The following TNNI3K variants were observed in gnomAD, a reference collection of about 807,000 sequenced individuals.
The protein encoded by TNNI3K is serine/threonine-protein kinase TNNI3K.
In TNNI3K, 140 loss-of-function variants were observed where a neutral mutation model predicts 114.5. The ratio of observed to expected loss-of-function variants is 1.22; its 90% confidence interval spans 1.07 to 1.41. TNNI3K has a LOEUF of 1.41. TNNI3K is among the 40% of genes most tolerant of loss of function. TNNI3K has a pLI of 0.00. For missense variants in TNNI3K, 1,125 were observed against 1,007.6 expected, an observed-to-expected ratio of 1.12 and a Z score of -1.58; for synonymous variants, 347 against 347.5, an observed-to-expected ratio of 1.00 and a Z score of 0.02.
intron 23 of TNNI3K, among the ~76,000 whole-genome samples, chr1:74,528,116 A>T (rs967939171): frequency 1.4e-4 from 21 of 152,214 alleles, no homozygotes; most frequent in African/African-American, 5.1e-4. Flanking sequence ...AAGTAAGGCC[A>T]GAGCCCAAGA....
At chr1:74,425,826 G>A (rs1665611623) in intron 17 of TNNI3K, among the ~76,000 whole-genome samples, 1 of 152,004 alleles carries the variant, frequency 6.6e-6, no homozygotes, top group African/African-American at 2.4e-5. Context: ...GGGTATTCTG[G>A]GGACAGTCAC....
intron 23 of TNNI3K, among the ~76,000 whole-genome samples, chr1:74,514,372 C>A (rs1646316848): frequency 6.6e-6 from 1 of 152,138 alleles, no homozygotes; most frequent in East Asian, 1.9e-4. Context: ...TATACACTTG[C>A]ACAGAAGTTC....
chr1:74,417,950 A>G (rs1300524336), intron 17 of TNNI3K, among the ~76,000 whole-genome samples: 1 of 152,128 alleles, frequency 6.6e-6, no homozygotes, highest in Non-Finnish European at 1.5e-5. Flanking sequence ...ATGTGTATTG[A>G]TGAGACATCT....
At chr1:74,460,997 C>G (rs1381203309) in intron 20 of TNNI3K, among the ~76,000 whole-genome samples, 1 of 152,160 alleles carries the variant, frequency 6.6e-6, no homozygotes, top group Non-Finnish European at 1.5e-5. Flanking sequence ...TGACTAGTCC[C>G]TCCCCACCCA....
At chr1:74,402,575 G>T (rs1664421550) in intron 17 of TNNI3K, among the ~76,000 whole-genome samples, 1 of 152,194 alleles carries the variant, frequency 6.6e-6, no homozygotes. Context: ...CTCTATATAT[G>T]TAGATTCATA....
intron 23 of TNNI3K, among the ~76,000 whole-genome samples, chr1:74,535,425 G>A (rs1207817391): frequency 6.6e-6 from 1 of 152,120 alleles, no homozygotes; most frequent in African/African-American, 2.4e-5. Context: ...AGCCGAGATT[G>A]CATCACTGCA....
intron 5 of TNNI3K, among the ~76,000 whole-genome samples, chr1:74,310,978 A>AT (rs2100351122): frequency 6.6e-6 from 1 of 152,264 alleles, no homozygotes; most frequent in South Asian, 2.1e-4. Context: ...CTTACAGACA[A>AT]AACAGAGCTA....
At chr1:74,318,815 A>G (rs530597000) in intron 5 of TNNI3K, among the ~76,000 whole-genome samples, 3 of 152,356 alleles carry the variant, frequency 2.0e-5, no homozygotes, top group African/African-American at 7.2e-5. Flanking sequence ...CACAGTGGTT[A>G]GAATAGCTAG....
intron 13 of TNNI3K, among the ~76,000 whole-genome samples, chr1:74,368,777 C>A (rs550544207): frequency 2.0e-5 from 3 of 151,836 alleles, no homozygotes; most frequent in Admixed American, 6.6e-5. Context: ...CAGGAATAGA[C>A]CCTTAGCCCT....
intron 21 of TNNI3K, among the ~76,000 whole-genome samples, chr1:74,477,583 C>T (rs1041008359): frequency 3.3e-5 from 5 of 152,164 alleles, no homozygotes; most frequent in African/African-American, 1.2e-4. Flanking sequence ...AGACAAGAAT[C>T]AGCCACTGAA....
chr1:74,509,836 T>A lies in TNNI3K; in HGVS notation c.2351+17570T>A, dbSNP rs1157149376. Among the ~76,000 whole-genome samples, 5 of 127,492 alleles carry A rather than the reference T, an allele frequency of 3.9e-5. No individual in the cohort carries two copies. The Admixed American group carries it at 4.0e-4, about 10-fold the overall frequency. 83.6% of individuals were successfully genotyped at this position (127,492 alleles called of 152,430 possible). A position where few individuals can be genotyped will look rare whatever the true frequency, so the allele number is the denominator to read the frequency against. On this transcript the variant is annotated intron_variant, in intron 23 of 24. Transcript: ENST00000326637. ...TGTGCGATTATGGCTCACTGCAGCC[T>A]CAACTTCCCCAGGCTCAGGTGATTT...
chr1:74,392,468 A>G (rs889958692), intron 17 of TNNI3K, among the ~76,000 whole-genome samples: 39 of 152,302 alleles, frequency 2.6e-4, no homozygotes, highest in African/African-American at 9.4e-4. Flanking sequence ...TTCTCAAGTC[A>G]CTAGACCGTG....
chr1:74,454,181 T>TA (rs1667137634), intron 20 of TNNI3K, among the ~76,000 whole-genome samples: 1 of 152,190 alleles, frequency 6.6e-6, no homozygotes, highest in South Asian at 2.1e-4. Context: ...ATAATAGGGA[T>TA]ATCTGACTTA....
chr1:74,401,182 C>G (rs1239170266), intron 17 of TNNI3K, among the ~76,000 whole-genome samples: 1 of 152,094 alleles, frequency 6.6e-6, no homozygotes, highest in East Asian at 1.9e-4. Context: ...AGATATCTTC[C>G]TATAAATCAT....
intron 17 of TNNI3K, among the ~76,000 whole-genome samples, chr1:74,381,500 T>A (rs968435636): frequency 3.9e-5 from 6 of 152,222 alleles, no homozygotes; most frequent in African/African-American, 1.4e-4. Flanking sequence ...AGCTCTCCTT[T>A]TTTATTGTAT....
intron 11 of TNNI3K, among the ~76,000 whole-genome samples, chr1:74,355,532 A>G (rs1237356674): frequency 2.6e-5 from 4 of 152,090 alleles, no homozygotes; most frequent in Admixed American, 1.3e-4. Context: ...TGAACCCGGG[A>G]GGCAGAGGTT....
intron 2 of TNNI3K, among the ~76,000 whole-genome samples, chr1:74,241,638 G>C (rs1249574848): frequency 6.6e-6 from 1 of 151,906 alleles, no homozygotes; most frequent in Non-Finnish European, 1.5e-5. Flanking sequence ...TTTTTTTCTT[G>C]TAAATTTGTT....
intron 17 of TNNI3K, among the ~76,000 whole-genome samples, chr1:74,383,564 T>G (rs540338233): frequency 6.6e-6 from 1 of 152,176 alleles, no homozygotes; most frequent in South Asian, 2.1e-4. Flanking sequence ...TCTTGCTTAT[T>G]TCAGGAGAGC....
intron 17 of TNNI3K, among the ~76,000 whole-genome samples, chr1:74,396,698 A>G (rs2100581127): frequency 6.6e-6 from 1 of 152,304 alleles, no homozygotes; most frequent in Middle Eastern, 3.4e-3. Flanking sequence ...TTCAAATACA[A>G]GTCCTTAGGG....
Sources: gnomAD v4.1 joint callset for allele counts (sites outside exome capture counted in the v4.1 genomes callset) on GRCh38, gnomAD v4.1.1 for gene constraint, MANE v1.5 for transcripts, NCBI Gene and HGNC (gene_info 2026-07-23, HGNC 2026-07-21) for gene names.